ZNF106: variants seen among roughly 807,000 people sequenced by gnomAD.
The protein encoded by ZNF106 is zinc finger protein 106, also known as SH3-domain binding protein 3.
In ZNF106, 67 loss-of-function variants were observed where a neutral mutation model predicts 195.1. The ratio of observed to expected loss-of-function variants is 0.34; its 90% CI spans 0.28 to 0.42. The LOEUF (loss-of-function observed/expected upper bound fraction) is 0.42, where lower values mean the gene tolerates loss of function less well. Among genes scored for constraint, ZNF106 ranks in the 10% least tolerant of loss-of-function variants. ZNF106 has a pLI of 1.00. For missense variants in ZNF106, 2,118 were observed against 2,304.5 expected (o/e 0.92, Z 1.66); for synonymous variants, 784 against 818.6 (o/e 0.96, Z 0.72).
At chr15:42,436,751 G>C (rs1456626983) in intron 13 of ZNF106, among the ~76,000 whole-genome samples, 1 of 152,146 alleles carries the variant, frequency 6.6e-6, no homozygotes, top group South Asian at 2.1e-4. Flanking sequence ...ACTTGTCAGG[G>C]AAAATACCTC....
At chr15:42,488,662 G>T (rs564121369) in intron 1 of ZNF106, among the ~76,000 whole-genome samples, 1 of 152,154 alleles carries the variant, frequency 6.6e-6, no homozygotes, top group Non-Finnish European at 1.5e-5. Context: ...GAACCAAGTC[G>T]TCTAGCATCT....
At chr15:42,440,996 AAAAT>A (rs1423550810) in intron 10 of ZNF106, among the ~76,000 whole-genome samples, 14 of 49,386 alleles carry the variant, frequency 2.8e-4, no homozygotes, top group Non-Finnish European at 3.4e-4. Context: ...AAAAAAAAAA[AAAAT>A]ATATATATAT....
chr15:42,425,997 A>T (rs1310405998), intron 15 of ZNF106, among the ~76,000 whole-genome samples: 1 of 152,168 alleles, frequency 6.6e-6, no homozygotes, highest in African/African-American at 2.4e-5. Context: ...CTTCCACAGA[A>T]GTTTTTTAGG....
intron 15 of ZNF106, chr15:42,425,391 G>A (rs937675610): frequency 9.4e-5 from 17 of 180,968 alleles, no homozygotes; most frequent in Admixed American, 1.2e-4. Context: ...CCCTGACACC[G>A]ACCCAGGAAC....
intron 19 of ZNF106, 92 bp from the exon 20 acceptor site, chr15:42,421,224 T>C: frequency 1.7e-6 from 2 of 1,193,928 alleles, no homozygotes; most frequent in Non-Finnish European, 2.5e-6. Context: ...TTGCAGCAGC[T>C]ACAAGAAAAC....
chr15:42,424,048 G>A lies in ZNF106; in HGVS notation c.5203C>T (p.Leu1735Phe). ...TILCMKVVND[L>F]VFSGSSDQSV... ...TGATCACTGGAGCCACTGAACACGA[G>A]ATCATTCACCACCTTAAAGAAAAAA... Residue 1735 changes from leucine to phenylalanine, a missense_variant, in exon 17 of 22, where the codon CTC becomes TTC. Transcript: ENST00000564754. 1 of 1,612,936 alleles carries A rather than the reference G, an allele frequency of 6.2e-7. No homozygotes were observed. Among genetic ancestry groups the A allele is most frequent in the South Asian group, 1.1e-5 (1 of 90,804 alleles).
chr15:42,476,266 T>C (rs952411958), intron 1 of ZNF106, among the ~76,000 whole-genome samples: 1 of 152,226 alleles, frequency 6.6e-6, no homozygotes, highest in African/African-American at 2.4e-5. Flanking sequence ...ATTCTTAAAT[T>C]GGGTAAATAC....
chr15:42,436,504 C>T (rs2055279157), intron 13 of ZNF106, among the ~76,000 whole-genome samples: 1 of 152,160 alleles, frequency 6.6e-6, no homozygotes, highest in African/African-American at 2.4e-5. Flanking sequence ...CATCATCTAA[C>T]TTTTTAATTT....
At chr15:42,430,902 C>G (rs1269682671) in intron 14 of ZNF106, among the ~76,000 whole-genome samples, 1 of 151,992 alleles carries the variant, frequency 6.6e-6, no homozygotes, top group Non-Finnish European at 1.5e-5. Flanking sequence ...ACCTCAACAT[C>G]CCAAAGCACT....
In ZNF106 at chr15:42,417,146, T is replaced by C. The variant is rs2054485502; in HGVS notation, c.*158A>G. 1.5e-6 allele frequency: 1 copy of C among 653,616 alleles called. No individual in the cohort carries two copies. Among genetic ancestry groups the C allele is most frequent in the Non-Finnish European group, 2.6e-6 (1 of 384,290 alleles). The allele number at this position is 653,616 out of a possible 1,614,324, so 40.5% of individuals were successfully genotyped here. A position where few individuals can be genotyped will look rare whatever the true frequency, so the allele number is the denominator to read the frequency against. On this transcript the variant is annotated 3_prime_UTR_variant, in exon 22 of 22. Transcript: ENST00000564754. ...AAGAACTTAAAAGTGTAATTTATCA[T>C]CCCATAGAGCTGCCCAGACTTATGC... is the stretch of plus-strand genomic sequence containing the variant.
Position 42,448,062 on chromosome 15 carries a change from T to G in ZNF106, c.3135+10A>C, listed in dbSNP as rs767084661. The G allele has an allele frequency of 6.2e-7, 1 of 1,600,434 alleles. No homozygotes were observed. ...GATGTTCTACAAAAAGCAGAGGGAA[T>G]TATACTCACTCCAGTGGCTCTTCGT... On this transcript the variant is annotated intron_variant, in intron 6 of 21. Coordinates refer to ENST00000564754, the MANE Select transcript of ZNF106 (RefSeq NM_001366845.3).
chr15:42,444,939 T>A lies in ZNF106; in HGVS notation c.3248A>T (p.Glu1083Val). Reference protein sequence around the residue: ...VDQLLNISLREEELSKSLQCM... With the variant: ...VDQLLNISLRVEELSKSLQCM... ...CTGCAATGACTTACTAAGTTCTTCC[T>A]CCCTTAAAGAAATATTCAGCAGCTG... The change falls in exon 8 of 22, where the codon GAG becomes GTG. Residue 1083 changes from glutamate to valine, a missense_variant. By Grantham distance (121) the Glu-to-Val change is moderately radical. Coordinates refer to ENST00000564754, the MANE Select transcript of ZNF106 (RefSeq NM_001366845.3). 1 of 1,614,162 alleles carries A rather than the reference T, an allele frequency of 6.2e-7. No individual in the cohort carries two copies. The highest frequency in any genetic ancestry group is 8.5e-7 in the Non-Finnish European group (1 of 1,180,034).
At chr15:42,442,734 A>G (rs1262115927) in intron 9 of ZNF106, among the ~76,000 whole-genome samples, 1 of 150,290 alleles carries the variant, frequency 6.7e-6, no homozygotes, top group South Asian at 2.1e-4. Context: ...CTCCTGCCTC[A>G]GCCTCCCAAG....
chr15:42,483,321 C>T (rs994091815), intron 1 of ZNF106, among the ~76,000 whole-genome samples: 1 of 152,194 alleles, frequency 6.6e-6, no homozygotes, highest in Admixed American at 6.5e-5. Context: ...TTGAGAGCCA[C>T]CAGCCTCTTC....
At chr15:42,488,085 T>C (rs1032052744) in intron 1 of ZNF106, among the ~76,000 whole-genome samples, 12 of 152,240 alleles carry the variant, frequency 7.9e-5, no homozygotes, top group African/African-American at 2.7e-4. Context: ...GGATGCAATG[T>C]AGTATGTACT....
At chr15:42,467,730 C>T (rs894107191) in intron 2 of ZNF106, among the ~76,000 whole-genome samples, 1 of 152,086 alleles carries the variant, frequency 6.6e-6, no homozygotes, top group African/African-American at 2.4e-5. Flanking sequence ...ATCGCTTGAA[C>T]CTGGGAAGGC....
chr15:42,417,877 G>A lies in ZNF106; in HGVS notation c.5592C>T (p.Pro1864=), dbSNP rs1275436678. The change falls in exon 21 of 22, where the codon CCC becomes CCT. Residue 1864 remains proline, a synonymous_variant. Transcript: ENST00000564754. Reference sequence around the variant, plus strand: ...AGCGACATTTCAGAGTCTGGAAGTTGGGATTAGTGTGGTCGGTCAGCAAGT... The same window carrying A: ...AGCGACATTTCAGAGTCTGGAAGTTAGGATTAGTGTGGTCGGTCAGCAAGT... ...KQHLLTDHTN[P]NFQTLKCRWK... is the part of the protein sequence containing the mutation. 1 of 1,614,118 alleles carries A rather than the reference G, an allele frequency of 6.2e-7. No individual in the cohort carries two copies. Among genetic ancestry groups the A allele is most frequent in the Admixed American group, 1.7e-5 (1 of 60,006 alleles).
At chr15:42,433,382 G>A (rs1413503411) in intron 14 of ZNF106, among the ~76,000 whole-genome samples, 11 of 152,124 alleles carry the variant, frequency 7.2e-5, no homozygotes. Context: ...TGGGATTACA[G>A]GCGTGAGCCA....
chr15:42,453,057 T>G (rs1481010485), intron 4 of ZNF106, among the ~76,000 whole-genome samples: 2 of 152,206 alleles, frequency 1.3e-5, no homozygotes, highest in African/African-American at 4.8e-5. Context: ...TTTCCAGTTG[T>G]AGGTTCTTTC....
Sources: gnomAD v4.1 joint callset for allele counts (sites outside exome capture counted in the v4.1 genomes callset) on GRCh38, gnomAD v4.1.1 for gene constraint, MANE v1.5 for transcripts, NCBI Gene and HGNC (gene_info 2026-07-23, HGNC 2026-07-21) for gene names.